Variants in SYNDIG1 observed in about 807,000 individuals in gnomAD.
SYNDIG1 encodes synapse differentiation inducing 1, also known as synapse differentiation-inducing gene protein 1.
Under a neutral mutation model 19.4 loss-of-function variants are expected in SYNDIG1, and 9 were observed. The ratio of observed to expected loss-of-function variants is 0.46; its 90% CI spans 0.28 to 0.81. The LOEUF is 0.81. Ranked by LOEUF, SYNDIG1 falls within the 30% of genes least tolerant of loss-of-function variation. The probability of loss-of-function intolerance (pLI) is 0.12; values close to 1 mark genes in which losing one functional copy is unlikely to be tolerated. For missense variants in SYNDIG1, 311 were observed against 343.3 expected (o/e 0.91, Z 0.74); for synonymous variants, 141 against 145.9 (o/e 0.97, Z 0.24).
chr20:24,543,367 C>T lies in SYNDIG1; in HGVS notation c.270C>T (p.Asn90=), dbSNP rs373195763. The change falls in exon 2 of 4, where the codon AAC becomes AAT. Residue 90 remains asparagine (N), a synonymous_variant. Transcript: ENST00000376862. ...CAGTGGAGTCCCGCTACCGGCCCAA[C>T]ATCATCCTCTATTCAGAGGGCGTGC... ...QQSVESRYRP[N]IILYSEGVLR... The T allele has an allele frequency of 8.7e-6, 14 of 1,613,570 alleles. No individual in the cohort carries two copies. Among genetic ancestry groups the T allele is most frequent in the Non-Finnish European group, 1.0e-5 (12 of 1,180,040 alleles).
In SYNDIG1 at chr20:24,640,473, AGAAGGAAGGAAGGAAGGAAG is replaced by A. The variant is rs201004570; in HGVS notation, c.619-24834_619-24815del. On this transcript the variant is annotated intron_variant, in intron 3 of 3. Coordinates refer to ENST00000376862, the MANE Select transcript of SYNDIG1 (RefSeq NM_024893.3). Reference sequence around the variant, plus strand: ...ATGAAGGAAGAAGGGAGGGAGGGAAAGAAGGAAGGAAGGAAGGAAGGAAGGAAGGAAGGAAGGAAGGAAGG... The same window carrying A: ...ATGAAGGAAGAAGGGAGGGAGGGAAAGAAGGAAGGAAGGAAGGAAGGAAGG... Among the ~76,000 whole-genome samples the A allele has an allele frequency of 2.5e-3, 254 of 100,568 alleles. 1 individual carries two copies. The highest frequency in any genetic ancestry group is 5.4e-3 in the Middle Eastern group (1 of 184). 66.0% of individuals were successfully genotyped at this position (100,568 alleles called of 152,430 possible).
chr20:24,498,059 A>G (rs1353067824), intron 1 of SYNDIG1, among the ~76,000 whole-genome samples: 2 of 152,268 alleles, frequency 1.3e-5, no homozygotes, highest in African/African-American at 2.4e-5. Context: ...CCCTCATTCC[A>G]GGGTGGTTTC....
chr20:24,625,384 A>ATTTTTTTTTTTTTTTTTTTTTT, intron 3 of SYNDIG1, among the ~76,000 whole-genome samples: 1 of 115,278 alleles, frequency 8.7e-6, no homozygotes, highest in South Asian at 2.9e-4. Flanking sequence ...TGCCTGGGAC[A>ATTTTTTTTTTTTTTTTTTTTTT]TTTTTTTTTT....
chr20:24,513,709 T>A (rs1829735985), intron 1 of SYNDIG1, among the ~76,000 whole-genome samples: 1 of 152,158 alleles, frequency 6.6e-6, no homozygotes, highest in African/African-American at 2.4e-5. Context: ...CTGCAGGATA[T>A]TATCCAGGAT....
intron 3 of SYNDIG1, among the ~76,000 whole-genome samples, chr20:24,585,849 G>A (rs1205855246): frequency 1.3e-5 from 2 of 152,228 alleles, no homozygotes; most frequent in African/African-American, 2.4e-5. Flanking sequence ...CCCATGGGGT[G>A]TTCTCAGGGA....
chr20:24,603,823 G>A (rs531057555), intron 3 of SYNDIG1, among the ~76,000 whole-genome samples: 4 of 152,308 alleles, frequency 2.6e-5, no homozygotes, highest in Non-Finnish European at 4.4e-5. Flanking sequence ...TGGGGTCACA[G>A]TGGATACCTG....
intron 2 of SYNDIG1, among the ~76,000 whole-genome samples, chr20:24,583,894 A>G (rs2058369991): frequency 6.6e-6 from 1 of 152,170 alleles, no homozygotes; most frequent in Admixed American, 6.5e-5. Flanking sequence ...GGAGGGTGGA[A>G]GGAGGGAAAG....
chr20:24,644,773 C>T (rs1205518414), intron 3 of SYNDIG1, among the ~76,000 whole-genome samples: 1 of 152,224 alleles, frequency 6.6e-6, no homozygotes, highest in Non-Finnish European at 1.5e-5. Flanking sequence ...GAATTCTTGA[C>T]TCCAGAATTC....
chr20:24,530,551 C>G (rs999028392), intron 1 of SYNDIG1, among the ~76,000 whole-genome samples: 8 of 152,196 alleles, frequency 5.3e-5, no homozygotes, highest in Admixed American at 3.9e-4. Context: ...GCTCTTTTCT[C>G]TATACACTTG....
intron 3 of SYNDIG1, among the ~76,000 whole-genome samples, chr20:24,652,970 C>G (rs1175366055): frequency 6.6e-6 from 1 of 152,152 alleles, no homozygotes; most frequent in East Asian, 1.9e-4. Flanking sequence ...CTTAATGGCA[C>G]TTCTGGGATC....
intron 3 of SYNDIG1, among the ~76,000 whole-genome samples, chr20:24,627,144 G>C (rs142622012): frequency 3.1e-3 from 323 of 103,420 alleles, no homozygotes; most frequent in Admixed American, 9.7e-3. Context: ...AGAGGGAGAG[G>C]GAGAGGGAGA....
Position 24,557,062 on chromosome 20 carries a change from TC to T in SYNDIG1, c.480+13487del, listed in dbSNP as rs2057835835. Among the ~76,000 whole-genome samples, 4 of 152,218 alleles carry T rather than the reference TC, an allele frequency of 2.6e-5. No homozygotes were observed. The South Asian group carries it at 8.3e-4, about 32-fold the overall frequency. On this transcript the variant is annotated intron_variant, in intron 2 of 3. Transcript: ENST00000376862. Reference sequence around the variant, plus strand: ...TCACTTCATTTCATTCATTTCATCTTCCATCACTGATACCCTTTCTTCCACT... The same window carrying T: ...TCACTTCATTTCATTCATTTCATCTTCATCACTGATACCCTTTCTTCCACT...
chr20:24,610,321 T>G (rs972521703), intron 3 of SYNDIG1, among the ~76,000 whole-genome samples: 1 of 152,238 alleles, frequency 6.6e-6, no homozygotes, highest in Non-Finnish European at 1.5e-5. Flanking sequence ...AATGTCATAC[T>G]GAGTGTGAAA....
chr20:24,624,709 A>T (rs938917048), intron 3 of SYNDIG1, among the ~76,000 whole-genome samples: 2 of 152,250 alleles, frequency 1.3e-5, no homozygotes, highest in Admixed American at 6.5e-5. Context: ...CCTTATTAAC[A>T]TTAAAAGAAC....
intron 1 of SYNDIG1, among the ~76,000 whole-genome samples, chr20:24,505,281 G>T (rs1342665560): frequency 6.6e-6 from 1 of 152,188 alleles, no homozygotes; most frequent in Non-Finnish European, 1.5e-5. Flanking sequence ...GCAGCCAGGG[G>T]AGCCCTGGGG....
intron 3 of SYNDIG1, among the ~76,000 whole-genome samples, chr20:24,655,775 CAAA>C (rs11087474): frequency 1.8e-4 from 24 of 132,532 alleles, no homozygotes; most frequent in African/African-American, 2.5e-4. Context: ...GTATACTCAT[CAAA>C]AAAAAAAAAA....
chr20:24,510,360 G>A (rs1290681904), intron 1 of SYNDIG1, among the ~76,000 whole-genome samples: 2 of 151,536 alleles, frequency 1.3e-5, no homozygotes, highest in Non-Finnish European at 2.9e-5. Flanking sequence ...CCTGAGGTCA[G>A]GAGTTCAAGA....
At chr20:24,634,084 A>G (rs1240518323) in intron 3 of SYNDIG1, among the ~76,000 whole-genome samples, 1 of 152,236 alleles carries the variant, frequency 6.6e-6, no homozygotes, top group Admixed American at 6.5e-5. Flanking sequence ...AGAAAGCATG[A>G]AAACTGAACC....
At chr20:24,473,324 A>G (rs1450580435) in intron 1 of SYNDIG1, among the ~76,000 whole-genome samples, 3 of 152,196 alleles carry the variant, frequency 2.0e-5, no homozygotes, top group Non-Finnish European at 4.4e-5. Context: ...CACTAGGGGC[A>G]TGGTGTCAAA....
Sources: gnomAD v4.1 joint callset for allele counts (sites outside exome capture counted in the v4.1 genomes callset) on GRCh38, gnomAD v4.1.1 for gene constraint, MANE v1.5 for transcripts, NCBI Gene and HGNC (gene_info 2026-07-23, HGNC 2026-07-21) for gene names.